The following TEX2 variants were observed in gnomAD, a reference collection of about 807,000 sequenced individuals.
TEX2 encodes testis-expressed protein 2.
Under a neutral mutation model 106.9 loss-of-function variants are expected in TEX2, and 53 were observed. That is an observed-to-expected ratio of 0.50 (90% CI 0.40 to 0.62). TEX2 has a LOEUF of 0.62. Ranked by LOEUF, TEX2 falls within the 20% of genes least tolerant of loss-of-function variation. TEX2 has a pLI of 0.00. For missense variants in TEX2, 1,207 were observed against 1,379.0 expected (o/e 0.88, Z 1.98); for synonymous variants, 523 against 534.8 (o/e 0.98, Z 0.30).
At chr17:64,240,143 T>C (rs1244566699) in intron 1 of TEX2, among the ~76,000 whole-genome samples, 9 of 152,010 alleles carry the variant, frequency 5.9e-5, no homozygotes, top group African/African-American at 2.2e-4. Context: ...AAAATGTAAA[T>C]GAATGCCTGC....
intron 9 of TEX2, 139 bp downstream of exon 9, chr17:64,154,703 G>C: frequency 9.1e-7 from 1 of 1,095,256 alleles, no homozygotes; most frequent in Non-Finnish European, 1.2e-6. Flanking sequence ...CACTGACCTG[G>C]GATATTAATA....
chr17:64,228,610 G>A (rs1157821547), intron 1 of TEX2, among the ~76,000 whole-genome samples: 1 of 152,190 alleles, frequency 6.6e-6, no homozygotes, highest in East Asian at 1.9e-4. Flanking sequence ...AGTCATGCGA[G>A]GGATGGAAAG....
chr17:64,180,004 CT>C (rs2031789906), intron 5 of TEX2, among the ~76,000 whole-genome samples: 2 of 152,108 alleles, frequency 1.3e-5, no homozygotes, highest in African/African-American at 4.8e-5. Flanking sequence ...TTTTGAATCC[CT>C]TTTTTCTCTG....
At chr17:64,214,417 C>A (rs1465983386) in intron 1 of TEX2, among the ~76,000 whole-genome samples, 175 bp from the exon 2 acceptor site, 1 of 152,180 alleles carries the variant, frequency 6.6e-6, no homozygotes, top group Non-Finnish European at 1.5e-5. Context: ...CACTAAATTC[C>A]AGTTAGGCAT....
intron 1 of TEX2, among the ~76,000 whole-genome samples, chr17:64,219,508 C>CATAACATAAAATAAATAAAAAATAAAATA (rs1555633014): frequency 5.2e-5 from 7 of 134,914 alleles, no homozygotes; most frequent in African/African-American, 1.9e-4. Context: ...TCCATCTCAT[C>CATAACATAAAATAAATAAAAAATAAAATA]AAATAAAATA....
At chr17:64,163,022 G>A (rs2030958144) in intron 7 of TEX2, among the ~76,000 whole-genome samples, 1 of 152,210 alleles carries the variant, frequency 6.6e-6, no homozygotes, top group African/African-American at 2.4e-5. Context: ...CTGCCTGGGT[G>A]AGGGGTCTGT....
intron 2 of TEX2, among the ~76,000 whole-genome samples, chr17:64,203,807 CTCCAACTGCCTGCTTCAAGGTCACCT>C (rs2032744996): frequency 6.6e-6 from 1 of 152,200 alleles, no homozygotes; most frequent in African/African-American, 2.4e-5. Context: ...CGTCCACATC[CTCCAACTGCCTGCTTCAAGGTCACCT>C]TCCCAGCAGT....
rs2030207486 is a variant in TEX2 at position 64,149,062 on chromosome 17, A to G, written c.3291T>C (p.Asp1097=). 1.2e-6 allele frequency: 2 copies of G among 1,614,100 alleles called. No homozygotes were observed. Among genetic ancestry groups the G allele is most frequent in the Non-Finnish European group, 1.7e-6 (2 of 1,179,958 alleles). Residue 1097 remains aspartate, a synonymous_variant, in exon 12 of 12, where the codon GAT becomes GAC. Transcript: ENST00000584379. ...QKVFVMPNMD[D]VYITIMHSAM... Reference sequence around the variant, plus strand: ...CTGAGTGCATTATAGTGATATAAACATCATCCATGTTTGGCATGACAAAAA... The same window carrying G: ...CTGAGTGCATTATAGTGATATAAACGTCATCCATGTTTGGCATGACAAAAA...
At chr17:64,179,508 C>T (rs962101309) in intron 5 of TEX2, among the ~76,000 whole-genome samples, 3 of 152,198 alleles carry the variant, frequency 2.0e-5, no homozygotes, top group Admixed American at 1.3e-4. Flanking sequence ...ACTACTCACT[C>T]TTTGGGTCCG....
At chr17:64,221,496 A>G (rs971853057) in intron 1 of TEX2, among the ~76,000 whole-genome samples, 10 of 152,256 alleles carry the variant, frequency 6.6e-5, no homozygotes, top group Non-Finnish European at 1.3e-4. Flanking sequence ...CCGCAATGAG[A>G]TATCACCCCA....
chr17:64,175,318 T>C (rs1374208948), intron 6 of TEX2, among the ~76,000 whole-genome samples: 1 of 152,178 alleles, frequency 6.6e-6, no homozygotes, highest in East Asian at 1.9e-4. Context: ...GGGAACACAA[T>C]GCCCACCTCT....
At chr17:64,157,762 C>G (rs185309920) in intron 8 of TEX2, among the ~76,000 whole-genome samples, 19 of 152,338 alleles carry the variant, frequency 1.2e-4, no homozygotes, top group African/African-American at 4.3e-4. Context: ...ACTCAGTGCC[C>G]AGAACACCAG....
chr17:64,177,021 T>C (rs1008443414), intron 6 of TEX2, among the ~76,000 whole-genome samples: 3 of 152,236 alleles, frequency 2.0e-5, no homozygotes, highest in Non-Finnish European at 2.9e-5. Flanking sequence ...ATAACAATTA[T>C]ATAAGACGAA....
chr17:64,214,241 C>T lies in TEX2; in HGVS notation c.-24G>A, dbSNP rs1233647016. The stretch of plus-strand genomic sequence containing the variant: ...ATTGCCGGCTTCACAAGGGCTCAGG[C>T]TCTGTGAAAACAGTGAGAAAACCAG... On this transcript the variant is annotated splice_region_variant and 5_prime_UTR_variant, in exon 2 of 12. Transcript: ENST00000584379. 3 of 1,595,138 alleles carry T rather than the reference C, an allele frequency of 1.9e-6. No homozygotes were observed. The highest frequency in any genetic ancestry group is 1.1e-5 in the South Asian group (1 of 88,806).
chr17:64,161,023 C>T, intron 7 of TEX2, 90 bp from the exon 8 acceptor site: 4 of 1,400,576 alleles, frequency 2.9e-6, no homozygotes, highest in African/African-American at 1.4e-5. Flanking sequence ...TCTAAATAGG[C>T]ACCATACTGA....
intron 1 of TEX2, among the ~76,000 whole-genome samples, chr17:64,216,420 A>C (rs1298303750): frequency 6.6e-6 from 1 of 152,216 alleles, no homozygotes; most frequent in Admixed American, 6.5e-5. Flanking sequence ...TAAAAGGATG[A>C]TATGTAAGGC....
intron 5 of TEX2, among the ~76,000 whole-genome samples, chr17:64,181,309 C>T (rs950575968): frequency 1.3e-5 from 2 of 151,790 alleles, no homozygotes; most frequent in African/African-American, 4.8e-5. Flanking sequence ...AGTCCCGTCT[C>T]TACCAAAAAT....
chr17:64,151,751 C>T (rs1369167484), intron 10 of TEX2, among the ~76,000 whole-genome samples: 4 of 152,200 alleles, frequency 2.6e-5, no homozygotes, highest in Non-Finnish European at 5.9e-5. Flanking sequence ...ATTTTATCTC[C>T]CCCTGAGCAG....
At chr17:64,170,123 A>C (rs1214951757) in intron 7 of TEX2, among the ~76,000 whole-genome samples, 2 of 152,172 alleles carry the variant, frequency 1.3e-5, no homozygotes, top group Non-Finnish European at 2.9e-5. Flanking sequence ...ACTCTCTACA[A>C]TCTGATCAAC....
Sources: gnomAD v4.1 joint callset for allele counts (sites outside exome capture counted in the v4.1 genomes callset) on GRCh38, gnomAD v4.1.1 for gene constraint, MANE v1.5 for transcripts, NCBI Gene and HGNC (gene_info 2026-07-23, HGNC 2026-07-21) for gene names.